The following ELAVL1 variants were observed in gnomAD, a reference collection of about 807,000 sequenced individuals.
ELAVL1 encodes the protein ELAV like RNA binding protein 1.
A neutral mutation model predicts 28.4 loss-of-function variants in ELAVL1; 1 was observed. The ratio of observed to expected loss-of-function variants is 0.04; its 90% CI spans 0.01 to 0.17. The LOEUF is 0.17. Among genes scored for constraint, ELAVL1 ranks in the 10% least tolerant of loss-of-function variants. The pLI is 1.00. For synonymous variants in ELAVL1, 174 were observed against 183.5 expected (o/e 0.95, Z 0.42); for missense variants, 157 against 447.2 (o/e 0.35, Z 5.85).
At position 7,963,948 on chromosome 19, in the gene ELAVL1, T is replaced by C. The variant is rs1984880703; in HGVS notation, c.657-141A>G. ...ACGAGGTGCTCACGGTTGAGACACC[T>C]GCATGGGTCAAAACCCTGGGAGGAA... On this transcript the variant is annotated intron_variant, in intron 5 of 5. Transcript: ENST00000407627. This position sits in a 1 kb window ranked among gnomAD's most constrained non-coding sequence, Gnocchi z 4.5. The C allele has an allele frequency of 3.3e-6, 3 of 916,146 alleles. No individual in the cohort carries two copies. Among genetic ancestry groups the C allele is most frequent in the Admixed American group, 2.9e-5 (1 of 35,080 alleles). 56.8% of individuals were successfully genotyped at this position (916,146 alleles called of 1,614,324 possible).
chr19:7,968,464 A>G (rs731604), intron 4 of ELAVL1, among the ~76,000 whole-genome samples: 35,104 of 152,224 alleles, frequency 0.23, 4,359 homozygotes, highest in Non-Finnish European at 0.28. Flanking sequence ...CCAAATTGCC[A>G]TCAGAATCAA....
intron 3 of ELAVL1, among the ~76,000 whole-genome samples, 188 bp downstream of exon 3, chr19:7,980,895 G>A (rs1453980923): frequency 2.0e-5 from 3 of 152,162 alleles, no homozygotes; most frequent in Non-Finnish European, 2.9e-5. Context: ...CACCCTGGGC[G>A]GGGAGTGGGT....
chr19:7,997,526 T>C (rs2081053629), intron 1 of ELAVL1, among the ~76,000 whole-genome samples: 1 of 152,114 alleles, frequency 6.6e-6, no homozygotes, highest in African/African-American at 2.4e-5. Flanking sequence ...GGAGGGAGTA[T>C]TTCTGTTTGT....
At chr19:7,978,094 T>G (rs959675898) in intron 3 of ELAVL1, among the ~76,000 whole-genome samples, 1 of 152,242 alleles carries the variant, frequency 6.6e-6, no homozygotes, top group Non-Finnish European at 1.5e-5. Context: ...TGGGCACAAC[T>G]GGGCTCCCCG....
At chr19:7,972,655 C>T (rs895128244) in intron 4 of ELAVL1, among the ~76,000 whole-genome samples, 5 of 151,820 alleles carry the variant, frequency 3.3e-5, no homozygotes, top group Non-Finnish European at 7.4e-5. Context: ...GAAACAGGGT[C>T]TTGCTCTGTT....
chr19:7,970,841 C>T (rs375069614), intron 4 of ELAVL1, among the ~76,000 whole-genome samples: 32 of 152,150 alleles, frequency 2.1e-4, no homozygotes, highest in Non-Finnish European at 3.7e-4. Context: ...GGATTACAGG[C>T]GTGAGCCACC....
In ELAVL1 at chr19:7,982,571, A is replaced by G. The variant is rs1485299199; in HGVS notation, c.173-1385T>C. Among the ~76,000 whole-genome samples, 1 of 152,240 alleles carries G rather than the reference A, an allele frequency of 6.6e-6. No individual in the cohort carries two copies. Among genetic ancestry groups the G allele is most frequent in the Non-Finnish European group, 1.5e-5 (1 of 68,046 alleles). On this transcript the variant is annotated intron_variant, in intron 2 of 5. Transcript: ENST00000407627. This position sits in a 1 kb window ranked among gnomAD's most constrained non-coding sequence, Gnocchi z 4.3. The stretch of plus-strand genomic sequence containing the variant: ...AGTTTTAGGTTTACAGAAAAATTAC[A>G]AGGATAATACCAAGTTCCCATATGG...
chr19:7,985,933 C>G (rs1198692338), intron 2 of ELAVL1, among the ~76,000 whole-genome samples: 14 of 152,148 alleles, frequency 9.2e-5, no homozygotes, highest in Admixed American at 9.2e-4. Context: ...GGGACTGTAC[C>G]CTGAAAGCTG....
intron 2 of ELAVL1, among the ~76,000 whole-genome samples, chr19:7,986,972 A>G (rs1012394328): frequency 6.6e-6 from 1 of 152,060 alleles, no homozygotes; most frequent in Non-Finnish European, 1.5e-5. Context: ...CTCATGCTTA[A>G]GTTTTTTTTT....
At position 7,971,648 on chromosome 19, in the gene ELAVL1, G is replaced by A. The variant is rs1327956757; in HGVS notation, c.430+2077C>T. On this transcript the variant is annotated intron_variant, in intron 4 of 5. Coordinates refer to ENST00000407627, the MANE Select transcript of ELAVL1 (RefSeq NM_001419.3). Reference sequence around the variant, plus strand: ...CTCCCCAGAGCAAAGGCAGAATGGCGGCGGCCGTGCGAGTGAGCCCTGTCC... The same window carrying A: ...CTCCCCAGAGCAAAGGCAGAATGGCAGCGGCCGTGCGAGTGAGCCCTGTCC... 2.6e-5 allele frequency among the ~76,000 whole-genome samples: 4 copies of A among 152,246 alleles called. No individual in the cohort carries two copies. The South Asian group carries it at 8.3e-4, about 31-fold the overall frequency.
intron 5 of ELAVL1, among the ~76,000 whole-genome samples, chr19:7,966,916 G>A (rs1984970152): frequency 6.6e-6 from 1 of 152,100 alleles, no homozygotes. Context: ...CCCCACACTG[G>A]GCATGAAACC....
chr19:7,981,022 G>T lies in ELAVL1; in HGVS notation c.276+61C>A. 7 of 1,532,520 alleles carry T rather than the reference G, an allele frequency of 4.6e-6. No individual in the cohort carries two copies. Among genetic ancestry groups the T allele is most frequent in the Non-Finnish European group, 5.4e-6 (6 of 1,107,196 alleles). 94.9% of individuals were successfully genotyped at this position (1,532,520 alleles called of 1,614,324 possible). Reference sequence around the variant, plus strand: ...GGAGAGTGACTGTGAGGCTGGGCGGGGCTCAGCACAGACCTGTGCCCAGGG... The same window carrying T: ...GGAGAGTGACTGTGAGGCTGGGCGGTGCTCAGCACAGACCTGTGCCCAGGG... On this transcript the variant is annotated intron_variant, in intron 3 of 5. Coordinates refer to ENST00000407627, the MANE Select transcript of ELAVL1 (RefSeq NM_001419.3). This position sits in a 1 kb window ranked among gnomAD's most constrained non-coding sequence, Gnocchi z 4.2.
chr19:7,977,547 A>G (rs3786619), intron 3 of ELAVL1, among the ~76,000 whole-genome samples: 72,770 of 152,076 alleles, frequency 0.48, 17,782 homozygotes, highest in East Asian at 0.56. Context: ...GCAGCATCCC[A>G]GCAGGGACAC....
At chr19:7,999,274 G>GA (rs1021880790) in intron 1 of ELAVL1, among the ~76,000 whole-genome samples, 1 of 152,240 alleles carries the variant, frequency 6.6e-6, no homozygotes, top group Admixed American at 6.5e-5. Flanking sequence ...TCAGGAGGCT[G>GA]AGACAGCAGA....
In ELAVL1 at chr19:7,961,319, G is replaced by A. The variant is rs1307393762; in HGVS notation, c.*2164C>T. ...GGGAATCCCGCCTTCCATCAGAAGG[G>A]TGTTGGCTCCCACCTTCCATCAGAA... On this transcript the variant is annotated 3_prime_UTR_variant, in exon 6 of 6. Coordinates refer to ENST00000407627, the MANE Select transcript of ELAVL1 (RefSeq NM_001419.3). The A allele has an allele frequency of 7.0e-6, 1 of 142,106 alleles. No homozygotes were observed. The highest frequency in any genetic ancestry group is 2.1e-4 in the East Asian group (1 of 4,876). 8.8% of individuals were successfully genotyped at this position (142,106 alleles called of 1,614,324 possible).
rs1333445456 is a variant in ELAVL1, at chr19:7,993,130, G to A, written c.-16-1299C>T. On this transcript the variant is annotated intron_variant, in intron 1 of 5. Coordinates refer to ENST00000407627, the MANE Select transcript of ELAVL1 (RefSeq NM_001419.3). ...TTCATTGTAATGCTACAGAACGAGT[G>A]TTCTCCACAATTTTTCTGTAAACCT... Among the ~76,000 whole-genome samples, 10 of 152,290 alleles carry A rather than the reference G, an allele frequency of 6.6e-5. No individual in the cohort carries two copies. In the South Asian group the frequency reaches 1.9e-3, roughly 28 times the overall value.
At position 7,963,812 on chromosome 19, in the gene ELAVL1, CAG is replaced by C. The variant is rs1224675384; in HGVS notation, c.657-7_657-6del. ...TCGACGCCCATGGGGGAGAACCTGG[CAG>C]ACAGAGAGCAAGCGTCAGGCCACGG... is the stretch of plus-strand genomic sequence containing the variant. On this transcript the variant is annotated splice_polypyrimidine_tract_variant and splice_region_variant and intron_variant, in intron 5 of 5. Coordinates refer to ENST00000407627, the MANE Select transcript of ELAVL1 (RefSeq NM_001419.3). The surrounding 1 kb of genome is among the most constrained non-coding windows in gnomAD (Gnocchi z 4.5). 1 of 1,612,182 alleles carries C rather than the reference CAG, an allele frequency of 6.2e-7. No individual in the cohort carries two copies. Among genetic ancestry groups the C allele is most frequent in the Admixed American group, 1.7e-5 (1 of 59,954 alleles).
chr19:7,992,953 T>C (rs1985790459), intron 1 of ELAVL1, among the ~76,000 whole-genome samples: 1 of 152,180 alleles, frequency 6.6e-6, no homozygotes. Context: ...TTTTTAAAAC[T>C]TTTTGTAGAG....
In ELAVL1 at chr19:7,993,801, C is replaced by T. The variant is rs141822140; in HGVS notation, c.-16-1970G>A. Among the ~76,000 whole-genome samples the T allele has an allele frequency of 4.0e-3, 604 of 152,248 alleles. 2 individuals carry two copies. Among genetic ancestry groups the T allele is most frequent in the African/African-American group, 0.014 (564 of 41,556 alleles). On this transcript the variant is annotated intron_variant, in intron 1 of 5. Transcript: ENST00000407627. Reference sequence around the variant, plus strand: ...TGAACACCCAGTGCCCACGGTCATGCGCCTTTGGCCTTCTTTAAAAATAGC... The same window carrying T: ...TGAACACCCAGTGCCCACGGTCATGTGCCTTTGGCCTTCTTTAAAAATAGC...
Sources: gnomAD v4.1 joint callset for allele counts (sites outside exome capture counted in the v4.1 genomes callset) on GRCh38, gnomAD v4.1.1 for gene constraint, Gnocchi (gnomAD v3.1) non-coding constraint, MANE v1.5 for transcripts, NCBI Gene and HGNC (gene_info 2026-07-23, HGNC 2026-07-21) for gene names.